Variants in HIPK2 observed in about 807,000 individuals in gnomAD.
HIPK2 encodes homeodomain-interacting protein kinase 2.
Under a neutral mutation model 113.7 loss-of-function variants are expected in HIPK2, and 27 were observed. The observed-to-expected ratio is 0.24, with a 90% CI of 0.17 to 0.33. The LOEUF is 0.33. Among genes scored for constraint, HIPK2 ranks in the 10% least tolerant of loss-of-function variants. The pLI is 1.00. For missense variants in HIPK2, 1,257 were observed against 1,588.0 expected (o/e 0.79, Z 3.54); for synonymous variants, 631 against 642.2 (o/e 0.98, Z 0.26).
intron 1 of HIPK2, among the ~76,000 whole-genome samples, chr7:139,763,158 G>A (rs1796495753): frequency 6.6e-6 from 1 of 152,222 alleles, no homozygotes; most frequent in South Asian, 2.1e-4. Context: ...GAAGACTGGT[G>A]TCCAGGGAGA....
At chr7:139,684,346 C>A (rs1217705033) in intron 2 of HIPK2, among the ~76,000 whole-genome samples, 1 of 152,082 alleles carries the variant, frequency 6.6e-6, no homozygotes, top group Non-Finnish European at 1.5e-5. Flanking sequence ...AGTGTTCAAG[C>A]GAAAGAAAGA....
chr7:139,639,854 G>A (rs1282834083), intron 2 of HIPK2, among the ~76,000 whole-genome samples: 3 of 152,234 alleles, frequency 2.0e-5, no homozygotes, highest in Non-Finnish European at 2.9e-5. Context: ...TACCTCCTAT[G>A]TGAGAGGCAG....
intron 1 of HIPK2, among the ~76,000 whole-genome samples, chr7:139,747,880 T>C (rs1441287981): frequency 1.3e-5 from 2 of 152,238 alleles, no homozygotes; most frequent in African/African-American, 4.8e-5. Flanking sequence ...ATTGAGTTCC[T>C]CGGCCCCACT....
At chr7:139,616,331 T>TCCAC (rs906450179) in intron 7 of HIPK2, among the ~76,000 whole-genome samples, 3 of 152,178 alleles carry the variant, frequency 2.0e-5, no homozygotes, top group African/African-American at 7.2e-5. Flanking sequence ...GATCATTCTT[T>TCCAC]CCACAAGACA....
intron 6 of HIPK2, among the ~76,000 whole-genome samples, chr7:139,623,383 G>A (rs1800305883): frequency 6.6e-6 from 1 of 151,962 alleles, no homozygotes; most frequent in Non-Finnish European, 1.5e-5. Context: ...TGGTGCGTGT[G>A]CCTGCAGTTC....
At position 139,630,507 on chromosome 7, in the gene HIPK2, C is replaced by T. The variant is rs903557278; in HGVS notation, c.1347+658G>A. 3.9e-5 allele frequency among the ~76,000 whole-genome samples: 6 copies of T among 152,230 alleles called. No individual in the cohort carries two copies. The highest frequency in any genetic ancestry group is 2.1e-4 in the South Asian group (1 of 4,834). On this transcript the variant is annotated intron_variant, in intron 4 of 14. Coordinates refer to ENST00000406875, the MANE Select transcript of HIPK2 (RefSeq NM_022740.5). This position sits in a 1 kb window ranked among gnomAD's most constrained non-coding sequence, Gnocchi z 4.0. ...CCGCCTCCCAGGTGCAAGTGATTCA[C>T]GTGCCTCAGCTTCCTGAGTAGGTGG...
At chr7:139,748,199 T>G (rs181736696) in intron 1 of HIPK2, among the ~76,000 whole-genome samples, 3 of 152,272 alleles carry the variant, frequency 2.0e-5, no homozygotes, top group Admixed American at 2.0e-4. Flanking sequence ...TCTGAGCCGC[T>G]TCTCTGCTTT....
chr7:139,737,275 T>C (rs1020066113), intron 1 of HIPK2, among the ~76,000 whole-genome samples: 5 of 152,118 alleles, frequency 3.3e-5, no homozygotes, highest in African/African-American at 7.2e-5. Flanking sequence ...ACTTGAAATA[T>C]AGGAAAGGAT....
intron 2 of HIPK2, among the ~76,000 whole-genome samples, chr7:139,658,816 T>C (rs1367320353): frequency 6.6e-6 from 1 of 152,228 alleles, no homozygotes; most frequent in East Asian, 1.9e-4. Flanking sequence ...TAATTTTATA[T>C]TGGAAGGCCA....
intron 1 of HIPK2, among the ~76,000 whole-genome samples, chr7:139,757,713 G>A (rs1276581904): frequency 6.6e-6 from 1 of 152,182 alleles, no homozygotes; most frequent in Non-Finnish European, 1.5e-5. Context: ...AAGGGGGAAT[G>A]ACTGCTAATG....
chr7:139,643,679 C>T lies in HIPK2; in HGVS notation c.1104-11954G>A, dbSNP rs111913056. Reference sequence around the variant, plus strand: ...AGCCAGGGACATGGATCCACCTAAACGATATTGACTTGACTTGGTGAAATA... The same window carrying T: ...AGCCAGGGACATGGATCCACCTAAATGATATTGACTTGACTTGGTGAAATA... On this transcript the variant is annotated intron_variant, in intron 2 of 14. Transcript: ENST00000406875. 4.1e-3 allele frequency among the ~76,000 whole-genome samples: 623 copies of T among 151,758 alleles called. 4 individuals carry two copies. Among genetic ancestry groups the T allele is most frequent in the African/African-American group, 0.014 (573 of 41,300 alleles).
At chr7:139,609,458 A>G (rs902428289) in intron 9 of HIPK2, among the ~76,000 whole-genome samples, 1 of 152,232 alleles carries the variant, frequency 6.6e-6, no homozygotes, top group Non-Finnish European at 1.5e-5. Context: ...CTCCATCTCT[A>G]AGTGTTCATA....
intron 1 of HIPK2, among the ~76,000 whole-genome samples, chr7:139,722,787 T>G (rs1795452818): frequency 6.6e-6 from 1 of 152,048 alleles, no homozygotes; most frequent in Non-Finnish European, 1.5e-5. Flanking sequence ...AACTGGGAAG[T>G]CATGTGATGG....
chr7:139,613,297 C>G lies in HIPK2; in HGVS notation c.2017G>C (p.Ala673Pro), dbSNP rs752617083. The G allele has an allele frequency of 8.1e-6, 13 of 1,613,262 alleles. No homozygotes were observed. Among genetic ancestry groups the G allele is most frequent in the Non-Finnish European group, 1.1e-5 (13 of 1,179,668 alleles). Reference protein sequence around the residue: ...QGLQASPSKHAGYSVRMENAV... With the variant: ...QGLQASPSKHPGYSVRMENAV... ...TTTTCCATTCGCACCGAGTAGCCAG[C>G]GTGCTTAGAGGGAGAGGCCTGCAAG... is the stretch of plus-strand genomic sequence containing the variant. Residue 673 changes from alanine (A) to proline (P), a missense_variant, in exon 9 of 15, where the codon GCT becomes CCT. This residue lies in a region of HIPK2 where 862 missense variants were observed against 1,004.3 expected (regional missense o/e 0.86). Coordinates refer to ENST00000406875, the MANE Select transcript of HIPK2 (RefSeq NM_022740.5). This position sits in a 1 kb window ranked among gnomAD's most constrained non-coding sequence, Gnocchi z 4.2.
Position 139,623,698 on chromosome 7 carries a change from A to C in HIPK2, c.1619+2903T>G, listed in dbSNP as rs1800321865. ...GCTTCACTGATAGTAAGGCACAGAA[A>C]TGAAATGGAGGCCCCACTATCCATG... On this transcript the variant is annotated intron_variant, in intron 6 of 14. Coordinates refer to ENST00000406875, the MANE Select transcript of HIPK2 (RefSeq NM_022740.5). 2.6e-5 allele frequency among the ~76,000 whole-genome samples: 4 copies of C among 152,244 alleles called. No individual in the cohort carries two copies. The South Asian group carries it at 8.3e-4, about 32-fold the overall frequency.
intron 9 of HIPK2, among the ~76,000 whole-genome samples, chr7:139,605,732 A>G (rs1213863716): frequency 6.6e-6 from 1 of 152,212 alleles, no homozygotes; most frequent in Admixed American, 6.5e-5. Context: ...TATAGGCAGA[A>G]GCTCAGGGAC....
At chr7:139,722,279 A>AT (rs770601976) in intron 1 of HIPK2, among the ~76,000 whole-genome samples, 2 of 152,266 alleles carry the variant, frequency 1.3e-5, no homozygotes, top group Non-Finnish European at 2.9e-5. Context: ...AGTTAGAAGA[A>AT]TTAAAGTCCA....
chr7:139,693,208 GCCT>G (rs1794461664), intron 2 of HIPK2, among the ~76,000 whole-genome samples: 1 of 152,208 alleles, frequency 6.6e-6, no homozygotes, highest in South Asian at 2.1e-4. Context: ...TGGAAAAAAT[GCCT>G]TGTGAAGAAC....
rs143468048 is a variant in HIPK2 at position 139,768,989 on chromosome 7, A to G, written c.19+8616T>C. ...CTGAATAATAACGCATGAAGACCCC[A>G]CCAGGGTTATACTATGACCCAGTCA... On this transcript the variant is annotated intron_variant, in intron 1 of 14. Transcript: ENST00000406875. Among the ~76,000 whole-genome samples, 503 of 152,316 alleles carry G rather than the reference A, an allele frequency of 3.3e-3. 4 individuals carry two copies. Among genetic ancestry groups the G allele is most frequent in the African/African-American group, 0.01 (427 of 41,564 alleles).
Sources: allele counts gnomAD v4.1 joint callset (sites outside exome capture counted in the v4.1 genomes callset), GRCh38; gene constraint gnomAD v4.1.1; regional missense constraint gnomAD v4.1.1; non-coding constraint Gnocchi (gnomAD v3.1); transcripts MANE v1.5; gene names NCBI Gene and HGNC (gene_info 2026-07-23, HGNC 2026-07-21).